The following NLGN1 variants were observed in gnomAD, a reference collection of about 807,000 sequenced individuals.
NLGN1 encodes neuroligin-1.
A neutral mutation model predicts 65.5 loss-of-function variants in NLGN1; 12 were observed. The ratio of observed to expected loss-of-function variants is 0.18; its 90% CI spans 0.12 to 0.30. The LOEUF is 0.30. Ranked by LOEUF, NLGN1 falls within the 10% of genes least tolerant of loss-of-function variation. The probability of loss-of-function intolerance (pLI) is 1.00; values close to 1 mark genes in which losing one functional copy is unlikely to be tolerated. For synonymous variants in NLGN1, 350 were observed against 359.5 expected (o/e 0.97, Z 0.30); for missense variants, 750 against 1,007.1 (o/e 0.74, Z 3.46).
chr3:174,158,506 C>T (rs1450310219), intron 4 of NLGN1, among the ~76,000 whole-genome samples: 2 of 151,454 alleles, frequency 1.3e-5, no homozygotes, highest in African/African-American at 4.8e-5. Context: ...TGATATATAG[C>T]CTTACTACTC....
intron 3 of NLGN1, among the ~76,000 whole-genome samples, chr3:173,700,685 A>G (rs1766997616): frequency 6.6e-6 from 1 of 152,172 alleles, no homozygotes; most frequent in South Asian, 2.1e-4. Context: ...AATTTCTGTC[A>G]TATTTTATTT....
chr3:173,856,246 A>G (rs1015061089), intron 4 of NLGN1, among the ~76,000 whole-genome samples: 2 of 147,260 alleles, frequency 1.4e-5, no homozygotes, highest in East Asian at 3.9e-4. Context: ...CAGTGGTAGT[A>G]ATAGAAATAT....
intron 4 of NLGN1, among the ~76,000 whole-genome samples, chr3:173,976,775 A>T (rs1717560304): frequency 6.6e-6 from 1 of 152,042 alleles, no homozygotes; most frequent in Non-Finnish European, 1.5e-5. Context: ...TCATTTCCTC[A>T]TGCACACATT....
At chr3:173,834,084 CCAT>C (rs1424457431) in intron 4 of NLGN1, among the ~76,000 whole-genome samples, 1 of 152,092 alleles carries the variant, frequency 6.6e-6, no homozygotes, top group African/African-American at 2.4e-5. Flanking sequence ...TCTCTCAACA[CCAT>C]GTTTTTCTTA....
intron 4 of NLGN1, among the ~76,000 whole-genome samples, chr3:173,919,052 C>T (rs926422701): frequency 6.6e-6 from 1 of 152,160 alleles, no homozygotes; most frequent in African/African-American, 2.4e-5. Flanking sequence ...TCCTGATTCT[C>T]ACTCTCCTAC....
At chr3:173,905,995 G>A (rs952257744) in intron 4 of NLGN1, among the ~76,000 whole-genome samples, 8 of 152,188 alleles carry the variant, frequency 5.3e-5, no homozygotes, top group African/African-American at 1.2e-4. Context: ...ACACAAGGGC[G>A]ATGGATTTTA....
intron 4 of NLGN1, among the ~76,000 whole-genome samples, chr3:173,830,010 G>T (rs948162645): frequency 5.7e-5 from 8 of 139,338 alleles, no homozygotes; most frequent in South Asian, 4.5e-4. Flanking sequence ...GGTAGTGTGG[G>T]GGGGGGAGGG....
At chr3:174,076,348 T>C (rs752540189) in intron 4 of NLGN1, among the ~76,000 whole-genome samples, 1 of 152,120 alleles carries the variant, frequency 6.6e-6, no homozygotes, top group Non-Finnish European at 1.5e-5. Context: ...GTTTCCTTTA[T>C]TGGTTTAGCC....
chr3:174,108,184 AC>A lies in NLGN1; in HGVS notation c.647-167129del, dbSNP rs1235395560. Among the ~76,000 whole-genome samples the A allele has an allele frequency of 6.6e-5, 10 of 152,090 alleles. No individual in the cohort carries two copies. The East Asian group carries it at 1.5e-3, about 23-fold the overall frequency. On this transcript the variant is annotated intron_variant, in intron 4 of 6. Coordinates refer to ENST00000457714, the Ensembl canonical transcript of NLGN1. ...TGATTTTTTTTCTTTCATGCATTGT[AC>A]CTTTAGTAGTATGTCTAAGAACTAT...
At chr3:173,986,965 T>C (rs1231399902) in intron 4 of NLGN1, among the ~76,000 whole-genome samples, 1 of 152,216 alleles carries the variant, frequency 6.6e-6, no homozygotes, top group Non-Finnish European at 1.5e-5. Context: ...GTGTATTTTG[T>C]TTCAGCCATA....
chr3:173,635,308 G>A (rs1365601217), intron 3 of NLGN1, among the ~76,000 whole-genome samples: 4 of 151,990 alleles, frequency 2.6e-5, no homozygotes, highest in Non-Finnish European at 5.9e-5. Flanking sequence ...TATTATCTTT[G>A]GAACAATACC....
At chr3:173,598,761 T>A (rs1749942939) in intron 2 of NLGN1, among the ~76,000 whole-genome samples, 2 of 152,120 alleles carry the variant, frequency 1.3e-5, no homozygotes, top group Non-Finnish European at 2.9e-5. Context: ...AAATAAGACT[T>A]TGAGATGAAG....
intron 4 of NLGN1, among the ~76,000 whole-genome samples, chr3:174,262,652 T>C (rs1394933275): frequency 6.6e-6 from 1 of 151,900 alleles, no homozygotes; most frequent in Non-Finnish European, 1.5e-5. Context: ...GATTCATTAA[T>C]TTGTTGAAGG....
intron 4 of NLGN1, among the ~76,000 whole-genome samples, chr3:173,909,728 G>A (rs1197894441): frequency 6.6e-6 from 1 of 152,110 alleles, no homozygotes; most frequent in Non-Finnish European, 1.5e-5. Context: ...TGCCCAGGCT[G>A]GAGTGCAATG....
chr3:173,720,309 C>T (rs2149999332), intron 3 of NLGN1, among the ~76,000 whole-genome samples: 1 of 152,090 alleles, frequency 6.6e-6, no homozygotes, highest in African/African-American at 2.4e-5. Context: ...TCTGTGATAA[C>T]TTAGTTGTTT....
chr3:174,129,354 A>AC (rs1719663042), intron 4 of NLGN1, among the ~76,000 whole-genome samples: 2 of 116,840 alleles, frequency 1.7e-5, no homozygotes, highest in East Asian at 2.8e-4. Flanking sequence ...CCCGGTTTAC[A>AC]ACACACACAC....
intron 2 of NLGN1, among the ~76,000 whole-genome samples, chr3:173,573,398 A>G (rs931066690): frequency 1.3e-5 from 2 of 152,036 alleles, no homozygotes; most frequent in Non-Finnish European, 2.9e-5. Context: ...CATGCCTTCA[A>G]GTCAGCTGAG....
the NLGN1 span, among the ~76,000 whole-genome samples, chr3:174,293,802 C>T: frequency 1.7e-4 from 26 of 151,462 alleles, no homozygotes; most frequent in Non-Finnish European, 2.4e-4. Flanking sequence ...TTAAAACTGA[C>T]GTATTTCATC....
At chr3:174,207,036 C>A (rs531322597) in intron 4 of NLGN1, among the ~76,000 whole-genome samples, 1 of 152,164 alleles carries the variant, frequency 6.6e-6, no homozygotes, top group East Asian at 1.9e-4. Context: ...AGTAAAACAA[C>A]CCCGCCCAGC....
Sources: gnomAD v4.1 joint callset for allele counts (sites outside exome capture counted in the v4.1 genomes callset) on GRCh38, gnomAD v4.1.1 for gene constraint, MANE v1.5 for transcripts, NCBI Gene and HGNC (gene_info 2026-07-23, HGNC 2026-07-21) for gene names.